Variants in GTF2B observed in about 807,000 individuals in gnomAD.
GTF2B encodes the protein general transcription factor IIB.
Under a neutral mutation model 34.6 loss-of-function variants are expected in GTF2B, and 20 were observed. The ratio of observed to expected loss-of-function variants is 0.58; its 90% confidence interval spans 0.41 to 0.84. The LOEUF (loss-of-function observed/expected upper bound fraction) is 0.84. GTF2B is among the 40% of genes least tolerant of loss of function. The pLI is 0.00. For synonymous variants in GTF2B, 142 were observed against 132.4 expected (o/e 1.07, Z -0.50); for missense variants, 237 against 393.3 (o/e 0.60, Z 3.36).
chr1:88,858,585 A>T (rs1220240701), intron 5 of GTF2B: 2 of 152,220 alleles, frequency 1.3e-5, no homozygotes, highest in Non-Finnish European at 2.9e-5. Context: ...AAATTTAACA[A>T]AAGTTGTTTT....
chr1:88,860,774 C>A (rs560803255), intron 3 of GTF2B, among the ~76,000 whole-genome samples: 2 of 152,086 alleles, frequency 1.3e-5, no homozygotes, highest in African/African-American at 4.8e-5. Context: ...ACTCATAGGA[C>A]GCTACAAATG....
chr1:88,882,772 T>G (rs1673978937), intron 2 of GTF2B, among the ~76,000 whole-genome samples: 1 of 152,252 alleles, frequency 6.6e-6, no homozygotes, highest in South Asian at 2.1e-4. Flanking sequence ...TGATTTTAAT[T>G]GAGCATATTT....
chr1:88,852,816 T>TA lies in GTF2B; in HGVS notation c.*396dup, dbSNP rs997757352. 6.3e-6 allele frequency: 1 copy of TA among 157,932 alleles called. No individual in the cohort carries two copies. Among genetic ancestry groups the TA allele is most frequent in the Admixed American group, 6.4e-5 (1 of 15,604 alleles). 9.8% of individuals were successfully genotyped at this position (157,932 alleles called of 1,614,324 possible). ...TGCTCTTTCCATAAATTTATTAAAA[T>TA]AAAAAACTATGTATATATAAGTAAT... On this transcript the variant is annotated 3_prime_UTR_variant, in exon 7 of 7. Transcript: ENST00000370500.
At chr1:88,858,558 C>T (rs1350274184) in intron 5 of GTF2B, 1 of 152,098 alleles carries the variant, frequency 6.6e-6, no homozygotes, top group African/African-American at 2.4e-5. Flanking sequence ...GATGCAACCA[C>T]CACACACTTT....
At chr1:88,854,652 T>A (rs1163590405) in intron 6 of GTF2B, among the ~76,000 whole-genome samples, 2 of 152,084 alleles carry the variant, frequency 1.3e-5, no homozygotes, top group African/African-American at 4.8e-5. Context: ...CCTGCCACCA[T>A]GCCCAGCTAA....
intron 1 of GTF2B, among the ~76,000 whole-genome samples, chr1:88,888,647 T>C (rs753651088): frequency 6.6e-6 from 1 of 152,112 alleles, no homozygotes; most frequent in Non-Finnish European, 1.5e-5. Flanking sequence ...AAAAAGTAGA[T>C]AGAAAACTAT....
chr1:88,878,894 C>T (rs758742173), intron 2 of GTF2B, among the ~76,000 whole-genome samples: 13 of 152,150 alleles, frequency 8.5e-5, no homozygotes, highest in African/African-American at 2.4e-4. Context: ...TCAAGGAGCA[C>T]GGAGGAACCA....
At chr1:88,882,153 T>C (rs1673962595) in intron 2 of GTF2B, among the ~76,000 whole-genome samples, 1 of 151,630 alleles carries the variant, frequency 6.6e-6, no homozygotes, top group Admixed American at 6.6e-5. Flanking sequence ...CTACTAAAAA[T>C]ACAAAAATTA....
intron 2 of GTF2B, among the ~76,000 whole-genome samples, chr1:88,867,866 T>C (rs771482359): frequency 1.0e-3 from 158 of 152,358 alleles, no homozygotes; most frequent in South Asian, 1.4e-3. Context: ...GGTGGTGATG[T>C]AATTTTTCCA....
chr1:88,867,187 A>G (rs533705095), intron 2 of GTF2B, among the ~76,000 whole-genome samples: 1 of 152,328 alleles, frequency 6.6e-6, no homozygotes, highest in East Asian at 1.9e-4. Flanking sequence ...TCACTAAAAG[A>G]TACGTTAGAA....
At chr1:88,876,951 T>C (rs760334733) in intron 2 of GTF2B, among the ~76,000 whole-genome samples, 8 of 152,106 alleles carry the variant, frequency 5.3e-5, no homozygotes, top group Non-Finnish European at 7.4e-5. Flanking sequence ...AATTATAAAA[T>C]ATATGCCCCA....
At chr1:88,858,085 A>C (rs1380368357) in intron 5 of GTF2B, among the ~76,000 whole-genome samples, 7 of 151,810 alleles carry the variant, frequency 4.6e-5, no homozygotes, top group Admixed American at 2.6e-4. Context: ...GGCTCACTGC[A>C]ACCTCTGCCC....
At chr1:88,891,445 C>A in intron 1 of GTF2B, 38 bp downstream of exon 1, 1 of 1,574,932 alleles carries the variant, frequency 6.3e-7, no homozygotes, top group East Asian at 2.3e-5. Flanking sequence ...CGCTCGCGCC[C>A]GCCCCTCAGC....
At chr1:88,856,174 G>T (rs1315439676) in intron 6 of GTF2B, among the ~76,000 whole-genome samples, 2 of 149,034 alleles carry the variant, frequency 1.3e-5, no homozygotes, top group African/African-American at 4.9e-5. Flanking sequence ...GGAAGCTGAG[G>T]CATGAGAATA....
chr1:88,871,081 T>C (rs938400009), intron 2 of GTF2B, among the ~76,000 whole-genome samples: 10 of 152,082 alleles, frequency 6.6e-5, no homozygotes, highest in African/African-American at 1.9e-4. Context: ...TTTGTATTTT[T>C]AGTAGAGACG....
intron 2 of GTF2B, among the ~76,000 whole-genome samples, chr1:88,885,508 G>A (rs1227562808): frequency 6.6e-6 from 1 of 151,712 alleles, no homozygotes; most frequent in African/African-American, 2.4e-5. Flanking sequence ...AGCACTTTGG[G>A]AGGCCAAGGC....
chr1:88,853,759 G>C (rs140746185), intron 6 of GTF2B, among the ~76,000 whole-genome samples: 3 of 152,144 alleles, frequency 2.0e-5, no homozygotes, highest in African/African-American at 7.2e-5. Context: ...AGCCGAGATC[G>C]CACCACTGCA....
At chr1:88,885,476 AG>A (rs1471954422) in intron 2 of GTF2B, among the ~76,000 whole-genome samples, 1 of 137,990 alleles carries the variant, frequency 7.2e-6, no homozygotes, top group African/African-American at 2.7e-5. Context: ...GGCCAGGCGC[AG>A]TGGCTCACGC....
chr1:88,884,313 G>T (rs372516758), intron 2 of GTF2B, among the ~76,000 whole-genome samples: 1 of 151,980 alleles, frequency 6.6e-6, no homozygotes, highest in African/African-American at 2.4e-5. Context: ...GGCGTAAGCC[G>T]CTGCACCTCG....
Sources: allele counts gnomAD v4.1 joint callset (sites outside exome capture counted in the v4.1 genomes callset), GRCh38; gene constraint gnomAD v4.1.1; transcripts MANE v1.5; gene names NCBI Gene and HGNC (gene_info 2026-07-23, HGNC 2026-07-21).